The following POLR3A variants were observed in gnomAD, a reference collection of about 807,000 sequenced individuals.
POLR3A encodes RNA polymerase III subunit A.
POLR3A carries 112 observed loss-of-function variants against 152.8 expected under a neutral mutation model. That is an observed-to-expected ratio of 0.73 (90% CI 0.63 to 0.86). The LOEUF is 0.86. POLR3A is among the 40% of genes least tolerant of loss of function. The pLI is 0.00. For synonymous variants in POLR3A, 615 were observed against 652.1 expected, an observed-to-expected ratio of 0.94 and a Z score of 0.87; for missense variants, 1,385 against 1,743.1, an observed-to-expected ratio of 0.79 and a Z score of 3.66.
chr10:78,001,904 C>A (rs1847361026), intron 17 of POLR3A, among the ~76,000 whole-genome samples: 1 of 152,124 alleles, frequency 6.6e-6, no homozygotes, highest in East Asian at 1.9e-4. Flanking sequence ...TCGGCCTCAG[C>A]CTCCCAAAGT....
intron 12 of POLR3A, 97 bp from the exon 13 acceptor site, chr10:78,010,088 C>T (rs1847451947): frequency 6.8e-7 from 1 of 1,480,610 alleles, no homozygotes. Flanking sequence ...CCATGACCAA[C>T]AGCGTGAATT....
rs1352543989 is a variant in POLR3A, at chr10:78,004,903, G to C, written c.2075-15C>G. The C allele has an allele frequency of 1.9e-6, 3 of 1,613,026 alleles. No individual in the cohort carries two copies. The highest frequency in any genetic ancestry group is 3.3e-5 in the Admixed American group (2 of 60,012). On this transcript the variant is annotated splice_polypyrimidine_tract_variant and intron_variant, in intron 15 of 30. Transcript: ENST00000372371. ...ACCACGGTTAGCTGTTGAGTTGGTA[G>C]AGCAGGAAGAAAGGGCCATAAATGA...
At chr10:77,981,652 A>G in intron 28 of POLR3A, 93 bp from the exon 29 acceptor site, 1 of 1,463,728 alleles carries the variant, frequency 6.8e-7, no homozygotes, top group Non-Finnish European at 9.5e-7. Flanking sequence ...GTTTCAAAGC[A>G]AACCCTGTGC....
intron 8 of POLR3A, 140 bp downstream of exon 8, chr10:78,021,406 G>T: frequency 2.6e-6 from 2 of 767,476 alleles, no homozygotes; most frequent in East Asian, 2.7e-5. Flanking sequence ...AAACTGGGAA[G>T]ACACATACAC....
Position 78,009,860 on chromosome 10 carries a change from A to G in POLR3A, c.1770+4T>C. 1.9e-6 allele frequency: 3 copies of G among 1,613,840 alleles called. No individual in the cohort carries two copies. Among genetic ancestry groups the G allele is most frequent in the Non-Finnish European group, 2.5e-6 (3 of 1,179,916 alleles). ...GTGCACCAACACACAACTCCCACAC[A>G]CACCTTTAGGATTGTAGGCGGTGGG... is the stretch of plus-strand genomic sequence containing the variant. On this transcript the variant is annotated splice_donor_region_variant and intron_variant, in intron 13 of 30. Coordinates refer to ENST00000372371, the MANE Select transcript of POLR3A (RefSeq NM_007055.4).
At chr10:78,005,321 C>T (rs993412649) in intron 15 of POLR3A, among the ~76,000 whole-genome samples, 6 of 152,210 alleles carry the variant, frequency 3.9e-5, no homozygotes, top group African/African-American at 1.4e-4. Flanking sequence ...CTACAAAAAC[C>T]TTAAAAAATT....
intron 21 of POLR3A, among the ~76,000 whole-genome samples, chr10:77,989,958 C>A (rs904947379): frequency 6.6e-6 from 1 of 152,194 alleles, no homozygotes; most frequent in African/African-American, 2.4e-5. Flanking sequence ...CCTTTCACAC[C>A]TTGACACATG....
chr10:77,980,339 C>T (rs1297410502), intron 29 of POLR3A, 66 bp from the exon 30 acceptor site: 26 of 1,496,178 alleles, frequency 1.7e-5, no homozygotes, highest in African/African-American at 5.5e-5. Flanking sequence ...AACCAAAGCA[C>T]GGTGCACCTT....
At chr10:78,023,823 A>T (rs1041017985) in intron 5 of POLR3A, among the ~76,000 whole-genome samples, 27 of 150,676 alleles carry the variant, frequency 1.8e-4, no homozygotes, top group East Asian at 5.8e-4. Context: ...ATAATAATAA[A>T]AAAAAAGAAC....
rs141126222 is a variant in POLR3A, at chr10:78,013,365, A to T, written c.1572+285T>A. On this transcript the variant is annotated intron_variant, in intron 11 of 30. Coordinates refer to ENST00000372371, the MANE Select transcript of POLR3A (RefSeq NM_007055.4). ...ACCTTGTCATAACTGGCCCTCATGT[A>T]TACATTTTCTCCCAGAACCCACATT... 1,266 of 445,096 alleles carry T rather than the reference A, an allele frequency of 2.8e-3. 9 individuals carry two copies. The highest frequency in any genetic ancestry group is 3.9e-3 in the Non-Finnish European group (942 of 241,480). 27.6% of individuals were successfully genotyped at this position (445,096 alleles called of 1,614,324 possible). A position where few individuals can be genotyped will look rare whatever the true frequency, so the allele number is the denominator to read the frequency against.
At position 78,021,969 on chromosome 10, in the gene POLR3A, C is replaced by A. The variant is rs1847584183; in HGVS notation, c.939G>T (p.Leu313=). The A allele has an allele frequency of 6.2e-7, 1 of 1,614,048 alleles. No homozygotes were observed. The highest frequency in any genetic ancestry group is 1.7e-5 in the Admixed American group (1 of 59,984). The change falls in exon 7 of 31, where the codon CTG becomes CTT. Residue 313 remains leucine, a synonymous_variant. Transcript: ENST00000372371. ...TQMIMEDWDF[L]QLQCALYINS... is the part of the protein sequence containing the mutation. ...TAATGTAGAGGGCACACTGCAGCTG[C>A]AGGAAATCCCAGTCCTCCATGATCA...
At chr10:77,979,425 T>G (rs1302719577) in intron 30 of POLR3A, among the ~76,000 whole-genome samples, 1 of 152,092 alleles carries the variant, frequency 6.6e-6, no homozygotes, top group Non-Finnish European at 1.5e-5. Flanking sequence ...TCCTGCGGAA[T>G]CAGAAAGGCT....
At chr10:77,988,392 C>T (rs1012064847) in intron 21 of POLR3A, among the ~76,000 whole-genome samples, 6 of 151,874 alleles carry the variant, frequency 4.0e-5, no homozygotes, top group South Asian at 4.2e-4. Flanking sequence ...CATGGTGGCA[C>T]GCACCTGTAG....
chr10:78,021,566 T>C lies in POLR3A; in HGVS notation c.1165A>G (p.Ile389Val). ...CTTACCTTCTCAGGAAAAGTTAGAA[T>C]TTTGGCCACATGAACTGGCACAGCT... ...EVAVPVHVAK[I>V]LTFPEKVNKA... Residue 389 changes from isoleucine to valine, a missense_variant, in exon 8 of 31, where the codon ATT becomes GTT. Ile to Val is a conservative substitution (Grantham distance 29). This residue lies in a region of POLR3A where 493 missense variants were observed against 647.5 expected (regional missense o/e 0.76). Coordinates refer to ENST00000372371, the MANE Select transcript of POLR3A (RefSeq NM_007055.4). 6.2e-7 allele frequency: 1 copy of C among 1,614,082 alleles called. No individual in the cohort carries two copies. Among genetic ancestry groups the C allele is most frequent in the Non-Finnish European group, 8.5e-7 (1 of 1,179,960 alleles).
intron 8 of POLR3A, 107 bp downstream of exon 8, chr10:78,021,439 T>G: frequency 9.3e-7 from 1 of 1,079,960 alleles, no homozygotes; most frequent in South Asian, 1.3e-5. Flanking sequence ...AACTGTGGGT[T>G]GAGTGGGTTA....
rs1847425706 is a variant in POLR3A, at chr10:78,007,810, C to G, written c.1966G>C (p.Gly656Arg). 1 of 1,613,670 alleles carries G rather than the reference C, an allele frequency of 6.2e-7. No homozygotes were observed. ...AAAATATTGTTCTTGGATCCTGACC[C>G]TAGGGTTCCTTTGTCCATGCTGCCA... ...MSGSMDKGTL[G>R]SGSKNNIFYI... The change falls in exon 15 of 31, where the codon GGG becomes CGG. Residue 656 changes from glycine (G) to arginine (R), a missense_variant. This residue lies in a region of POLR3A where 188 missense variants were observed against 179.9 expected (regional missense o/e 1.04). Transcript: ENST00000372371.
chr10:77,990,232 C>CA (rs1589306035), intron 21 of POLR3A, among the ~76,000 whole-genome samples: 1 of 151,628 alleles, frequency 6.6e-6, no homozygotes, highest in South Asian at 2.1e-4. Flanking sequence ...ACAAACGAAC[C>CA]AAAAAACCTT....
intron 16 of POLR3A, among the ~76,000 whole-genome samples, chr10:78,004,391 C>G (rs941773690): frequency 3.9e-5 from 6 of 152,124 alleles, no homozygotes; most frequent in Non-Finnish European, 7.4e-5. Flanking sequence ...AGTGTGCCAC[C>G]AGAACAAGAG....
intron 27 of POLR3A, 140 bp from the exon 28 acceptor site, chr10:77,982,458 G>T: frequency 1.0e-6 from 1 of 956,268 alleles, no homozygotes; most frequent in Non-Finnish European, 1.7e-6. Flanking sequence ...AACAGAAGTT[G>T]TTCAGGGGAC....
Sources: allele counts gnomAD v4.1 joint callset (sites outside exome capture counted in the v4.1 genomes callset), GRCh38; gene constraint gnomAD v4.1.1; regional missense constraint gnomAD v4.1.1; transcripts MANE v1.5; gene names NCBI Gene and HGNC (gene_info 2026-07-23, HGNC 2026-07-21).